The following CALU variants were observed in gnomAD, a reference collection of about 807,000 sequenced individuals.
The protein encoded by CALU is calumenin.
Under a neutral mutation model 37.5 loss-of-function variants are expected in CALU, and 13 were observed. That is an observed-to-expected ratio of 0.35 (90% confidence interval 0.23 to 0.55). The LOEUF (loss-of-function observed/expected upper bound fraction) is 0.55. Ranked by LOEUF, CALU falls within the 20% of genes least tolerant of loss-of-function variation. The pLI, the probability that CALU is intolerant of heterozygous loss-of-function variation, is 0.89. For missense variants in CALU, 282 were observed against 391.7 expected, an observed-to-expected ratio of 0.72 and a Z score of 2.36; for synonymous variants, 114 against 133.8, an observed-to-expected ratio of 0.85 and a Z score of 1.02.
At position 128,772,474 on chromosome 7, in the gene CALU, A is replaced by G. The variant is rs1197835815; in HGVS notation, c.*3307A>G. On this transcript the variant is annotated 3_prime_UTR_variant, in exon 7 of 7. Transcript: ENST00000249364. Reference sequence around the variant, plus strand: ...TTTAGTAGTTTGGTTTCTGACGGAGACAATAGAAACTTACTTAAAAGTAAA... The same window carrying G: ...TTTAGTAGTTTGGTTTCTGACGGAGGCAATAGAAACTTACTTAAAAGTAAA... 29 of 1,591,156 alleles carry G rather than the reference A, an allele frequency of 1.8e-5. No homozygotes were observed. The highest frequency in any genetic ancestry group is 2.5e-5 in the Non-Finnish European group (29 of 1,160,390).
Position 128,770,451 on chromosome 7 carries a change from C to A in CALU, c.*1284C>A, listed in dbSNP as rs1036055275. ...GCCTTTTTCTGTGTCCACTGGAGAG[C>A]TTGAGCTCACACTCAAAGATCAGAG... On this transcript the variant is annotated 3_prime_UTR_variant, in exon 7 of 7. Coordinates refer to ENST00000249364, the MANE Select transcript of CALU (RefSeq NM_001219.5). The A allele has an allele frequency of 6.6e-6, 1 of 152,532 alleles. No individual in the cohort carries two copies. The highest frequency in any genetic ancestry group is 2.4e-5 in the African/African-American group (1 of 41,404). 9.4% of individuals were successfully genotyped at this position (152,532 alleles called of 1,614,324 possible).
At chr7:128,745,488 C>T (rs1053073588) in intron 1 of CALU, among the ~76,000 whole-genome samples, 2 of 151,760 alleles carry the variant, frequency 1.3e-5, no homozygotes, top group Non-Finnish European at 2.9e-5. Flanking sequence ...ACTTGTATTC[C>T]CAGCTACTTG....
Position 128,769,810 on chromosome 7 carries a change from T to A in CALU, c.*643T>A, listed in dbSNP as rs1801489773. 6.6e-6 allele frequency: 1 copy of A among 152,222 alleles called. No individual in the cohort carries two copies. Among genetic ancestry groups the A allele is most frequent in the African/African-American group, 2.4e-5 (1 of 41,450 alleles). 9.4% of individuals were successfully genotyped at this position (152,222 alleles called of 1,614,324 possible). A position where few individuals can be genotyped will look rare whatever the true frequency, so the allele number is the denominator to read the frequency against. On this transcript the variant is annotated 3_prime_UTR_variant, in exon 7 of 7. Transcript: ENST00000249364. The stretch of plus-strand genomic sequence containing the variant: ...AAATTGATTTTCTTCTTTTTCCCCC[T>A]GTAGGACTGACTGTTGGCTAATTTT...
At chr7:128,759,072 G>C in intron 4 of CALU, 35 bp downstream of exon 4, 1 of 1,559,142 alleles carries the variant, frequency 6.4e-7, no homozygotes, top group Non-Finnish European at 8.7e-7. Context: ...CAGGGACTCA[G>C]TTTCTCTTTT....
intron 3 of CALU, among the ~76,000 whole-genome samples, chr7:128,756,992 T>G (rs984409277): frequency 2.0e-5 from 3 of 152,042 alleles, no homozygotes; most frequent in African/African-American, 7.2e-5. Flanking sequence ...AGCAGGAGGA[T>G]TGCTTGAGCC....
chr7:128,756,481 C>T (rs1310950007), intron 3 of CALU, among the ~76,000 whole-genome samples: 2 of 152,182 alleles, frequency 1.3e-5, no homozygotes, highest in African/African-American at 2.4e-5. Context: ...GGTCATGAGT[C>T]GGCTTAGAGA....
chr7:128,764,482 C>T (rs1050630763), intron 5 of CALU, among the ~76,000 whole-genome samples: 6 of 152,116 alleles, frequency 3.9e-5, no homozygotes, highest in South Asian at 4.2e-4. Context: ...GAAAGTAATT[C>T]GGAAAGAAAT....
chr7:128,755,156 A>C (rs908449359), intron 3 of CALU, among the ~76,000 whole-genome samples: 18 of 151,500 alleles, frequency 1.2e-4, no homozygotes, highest in Non-Finnish European at 2.4e-4. Flanking sequence ...AAAAAAAAAA[A>C]AAATTTAAAT....
At chr7:128,760,952 A>G (rs1801091710) in intron 5 of CALU, among the ~76,000 whole-genome samples, 2 of 152,192 alleles carry the variant, frequency 1.3e-5, no homozygotes, top group Admixed American at 6.5e-5. Context: ...CCAGACTGAC[A>G]TAGGGAAACC....
In CALU at chr7:128,770,479, C is replaced by T. The variant is rs1230185059; in HGVS notation, c.*1312C>T. 4 of 152,376 alleles carry T rather than the reference C, an allele frequency of 2.6e-5. No homozygotes were observed. 9.4% of individuals were successfully genotyped at this position (152,376 alleles called of 1,614,324 possible). ...GAGCTCACACTCAAAGATCAGAGGA[C>T]CTACAGAGAGGGCTCTTTGGTTTGA... On this transcript the variant is annotated 3_prime_UTR_variant, in exon 7 of 7. Transcript: ENST00000249364.
intron 5 of CALU, among the ~76,000 whole-genome samples, chr7:128,761,034 A>G (rs1801095152): frequency 6.6e-6 from 1 of 152,208 alleles, no homozygotes; most frequent in African/African-American, 2.4e-5. Flanking sequence ...TCCCTCTTGT[A>G]GCCATTCCTT....
chr7:128,754,786 C>G, intron 3 of CALU: 1 of 956,636 alleles, frequency 1.0e-6, no homozygotes, highest in Non-Finnish European at 1.6e-6. Context: ...AAATGGGTCA[C>G]ACAGTAAAGG....
chr7:128,747,160 A>G (rs1223874097), intron 1 of CALU, among the ~76,000 whole-genome samples: 3 of 152,136 alleles, frequency 2.0e-5, no homozygotes, highest in Non-Finnish European at 2.9e-5. Context: ...TTTTTTAATC[A>G]TTGTGAACTG....
intron 1 of CALU, among the ~76,000 whole-genome samples, chr7:128,744,025 G>C (rs1800338134): frequency 1.3e-5 from 2 of 152,124 alleles, no homozygotes; most frequent in Admixed American, 6.5e-5. Flanking sequence ...GGACAACATG[G>C]TGAAACCCTG....
At chr7:128,756,208 A>G (rs1006060060) in intron 3 of CALU, among the ~76,000 whole-genome samples, 1 of 152,214 alleles carries the variant, frequency 6.6e-6, no homozygotes, top group Non-Finnish European at 1.5e-5. Context: ...AGAGTAGGCT[A>G]TTGGTGATCT....
chr7:128,759,113 T>TTATATAGCATATCTTATATATATATATGC, intron 4 of CALU, 76 bp downstream of exon 4: 1 of 1,055,988 alleles, frequency 9.5e-7, no homozygotes, highest in Non-Finnish European at 1.4e-6. Context: ...CCCTTTAGCC[T>TTATATAGCATATCTTATATATATATATGC]TATATAGCAT....
chr7:128,762,678 G>A (rs930288602), intron 5 of CALU, among the ~76,000 whole-genome samples: 1 of 151,392 alleles, frequency 6.6e-6, no homozygotes, highest in Non-Finnish European at 1.5e-5. Context: ...ATTTATTTAT[G>A]TTTTTTTTGA....
chr7:128,768,847 CAAAAAAAAAA>C (rs1012831963), intron 6 of CALU, among the ~76,000 whole-genome samples: 4 of 55,164 alleles, frequency 7.3e-5, no homozygotes, highest in Non-Finnish European at 1.3e-4. Context: ...AACTCCGTCT[CAAAAAAAAAA>C]AAAAAAAAAA....
chr7:128,751,366 C>T (rs1800667890), intron 2 of CALU, among the ~76,000 whole-genome samples: 1 of 151,704 alleles, frequency 6.6e-6, no homozygotes, highest in African/African-American at 2.4e-5. Flanking sequence ...TTGGGGATCA[C>T]AGGCCCAGAC....
Sources: allele counts gnomAD v4.1 joint callset (sites outside exome capture counted in the v4.1 genomes callset), GRCh38; gene constraint gnomAD v4.1.1; transcripts MANE v1.5; gene names NCBI Gene and HGNC (gene_info 2026-07-23, HGNC 2026-07-21).